Variants in CSMD3 observed in about 807,000 individuals in gnomAD.
The protein encoded by CSMD3 is CUB and Sushi multiple domains 3, also known as CUB and sushi domain-containing protein 3.
A neutral mutation model predicts 435.2 loss-of-function variants in CSMD3; 177 were observed. That is an observed-to-expected ratio of 0.41 (90% CI 0.36 to 0.46). The LOEUF (loss-of-function observed/expected upper bound fraction) is 0.46. Ranked by LOEUF, CSMD3 falls within the 20% of genes least tolerant of loss-of-function variation. The pLI is 0.34. For missense variants in CSMD3, 4,265 were observed against 4,504.6 expected (o/e 0.95, Z 1.52); for synonymous variants, 1,656 against 1,520.5 (o/e 1.09, Z -2.07).
chr8:113,069,202 CACACACAACGCTGCCTAGT>C (rs2088993995), intron 5 of CSMD3, among the ~76,000 whole-genome samples: 1 of 152,072 alleles, frequency 6.6e-6, no homozygotes, highest in Non-Finnish European at 1.5e-5. Flanking sequence ...TTAAACTTGG[CACACACAACGCTGCCTAGT>C]AGATTAGACT....
At chr8:113,289,663 C>A (rs1030322330) in intron 2 of CSMD3, among the ~76,000 whole-genome samples, 3 of 151,554 alleles carry the variant, frequency 2.0e-5, no homozygotes, top group Non-Finnish European at 4.4e-5. Context: ...AACCCTGCCA[C>A]CTTTTTTTGG....
intron 10 of CSMD3, among the ~76,000 whole-genome samples, chr8:112,863,110 C>CT (rs1226973024): frequency 1.3e-5 from 2 of 151,866 alleles, no homozygotes; most frequent in Non-Finnish European, 2.9e-5. Context: ...AATATTAACC[C>CT]TTTTATATGT....
rs2093088502 is a variant in CSMD3 at position 113,231,649 on chromosome 8, C to T, written c.514+46943G>A. Among the ~76,000 whole-genome samples, 4 of 151,540 alleles carry T rather than the reference C, an allele frequency of 2.6e-5. No individual in the cohort carries two copies. The South Asian group carries it at 8.3e-4, about 31-fold the overall frequency. Reference sequence around the variant, plus strand: ...ACTGATAATCTAAGTCCTAGAGTTACAGTACAAAAAATACAAAAATACTTT... The same window carrying T: ...ACTGATAATCTAAGTCCTAGAGTTATAGTACAAAAAATACAAAAATACTTT... On this transcript the variant is annotated intron_variant, in intron 3 of 70. Transcript: ENST00000297405.
At chr8:112,571,872 A>AT (rs1491292608) in intron 24 of CSMD3, among the ~76,000 whole-genome samples, 1 of 149,332 alleles carries the variant, frequency 6.7e-6, no homozygotes, top group Non-Finnish European at 1.5e-5. Flanking sequence ...TCTGTCTCAA[A>AT]TAAAAAAAAA....
intron 22 of CSMD3, among the ~76,000 whole-genome samples, chr8:112,620,221 T>C (rs566845910): frequency 2.6e-5 from 4 of 152,178 alleles, no homozygotes; most frequent in Non-Finnish European, 1.5e-5. Context: ...CTTGATTTAG[T>C]TCCTACTTTG....
At chr8:112,971,367 C>T (rs79139683) in intron 7 of CSMD3, among the ~76,000 whole-genome samples, 1 of 152,072 alleles carries the variant, frequency 6.6e-6, no homozygotes, top group African/African-American at 2.4e-5. Context: ...ACTTATTGCT[C>T]AAGATCATAA....
chr8:112,870,134 C>A (rs560604445), intron 10 of CSMD3, among the ~76,000 whole-genome samples: 1 of 151,718 alleles, frequency 6.6e-6, no homozygotes, highest in Non-Finnish European at 1.5e-5. Context: ...AGGGTACATG[C>A]GGCAAACATT....
intron 2 of CSMD3, among the ~76,000 whole-genome samples, chr8:113,284,295 T>G (rs928450182): frequency 6.6e-6 from 1 of 152,160 alleles, no homozygotes; most frequent in Non-Finnish European, 1.5e-5. Context: ...ATGTATGTCA[T>G]GGAGGAGTCT....
intron 2 of CSMD3, among the ~76,000 whole-genome samples, chr8:113,296,690 T>A (rs996793520): frequency 6.6e-6 from 1 of 152,202 alleles, no homozygotes; most frequent in African/African-American, 2.4e-5. Flanking sequence ...ATGAATGTTA[T>A]GTTATCAGAT....
intron 23 of CSMD3, among the ~76,000 whole-genome samples, chr8:112,574,232 C>T (rs1829763618): frequency 6.6e-6 from 1 of 152,018 alleles, no homozygotes; most frequent in South Asian, 2.1e-4. Context: ...ACACATCATT[C>T]TCATTTTTCT....
intron 3 of CSMD3, among the ~76,000 whole-genome samples, chr8:113,258,086 A>C (rs1472587783): frequency 6.6e-6 from 1 of 152,194 alleles, no homozygotes; most frequent in African/African-American, 2.4e-5. Flanking sequence ...TTTATGACAA[A>C]ATAAAAAATG....
intron 38 of CSMD3, among the ~76,000 whole-genome samples, chr8:112,354,312 C>T (rs1826395385): frequency 6.6e-6 from 1 of 152,140 alleles, no homozygotes; most frequent in African/African-American, 2.4e-5. Context: ...ACTCTCACCA[C>T]TTGTACTCAA....
intron 5 of CSMD3, among the ~76,000 whole-genome samples, chr8:113,079,738 A>T (rs560837059): frequency 6.6e-6 from 1 of 152,164 alleles, no homozygotes; most frequent in Admixed American, 6.5e-5. Context: ...TTTTCGTTTG[A>T]TGCTATATTT....
chr8:112,416,500 C>T (rs1025634866), intron 32 of CSMD3, among the ~76,000 whole-genome samples: 3 of 152,148 alleles, frequency 2.0e-5, no homozygotes, highest in South Asian at 2.1e-4. Flanking sequence ...AACAAGTACA[C>T]GAATGATTTC....
intron 63 of CSMD3, 113 bp from the exon 64 acceptor site, chr8:112,247,244 G>T: frequency 3.0e-6 from 2 of 672,748 alleles, no homozygotes; most frequent in South Asian, 3.4e-5. Flanking sequence ...GGTAAAGTTG[G>T]AAGAAAAAAA....
chr8:112,858,007 G>C (rs2080714424), intron 11 of CSMD3, among the ~76,000 whole-genome samples: 1 of 151,696 alleles, frequency 6.6e-6, no homozygotes, highest in Non-Finnish European at 1.5e-5. Flanking sequence ...ATTTGGGGCA[G>C]AGTAGGTTTC....
rs145049402 is a variant in CSMD3, at chr8:113,071,497, G to A, written c.917+27259C>T. Among the ~76,000 whole-genome samples, 67 of 151,932 alleles carry A rather than the reference G, an allele frequency of 4.4e-4. 1 individual carries two copies. The highest frequency in any genetic ancestry group is 1.6e-3 in the African/African-American group (65 of 41,518). On this transcript the variant is annotated intron_variant, in intron 5 of 70. Transcript: ENST00000297405. The stretch of plus-strand genomic sequence containing the variant: ...ACATTTTGAGTTGATATTTGCATAT[G>A]GTGTGAGATAAGGATCCAATTTCAT...
At chr8:113,193,563 C>T (rs1253023910) in intron 3 of CSMD3, among the ~76,000 whole-genome samples, 1 of 151,376 alleles carries the variant, frequency 6.6e-6, no homozygotes, top group Non-Finnish European at 1.5e-5. Context: ...TTTTAATTAT[C>T]TCCCATTATC....
intron 22 of CSMD3, among the ~76,000 whole-genome samples, chr8:112,618,521 A>G (rs926548468): frequency 2.0e-5 from 3 of 151,996 alleles, no homozygotes; most frequent in Admixed American, 6.6e-5. Flanking sequence ...ACTGTTTCTA[A>G]TTTCGCATTT....
Sources: allele counts gnomAD v4.1 joint callset (sites outside exome capture counted in the v4.1 genomes callset), GRCh38; gene constraint gnomAD v4.1.1; transcripts MANE v1.5; gene names NCBI Gene and HGNC (gene_info 2026-07-23, HGNC 2026-07-21).